PCDH11X: variants seen among roughly 807,000 people sequenced by gnomAD.
PCDH11X encodes protocadherin-11 X-linked.
Under a neutral mutation model 53.3 loss-of-function variants are expected in PCDH11X, and 18 were observed. That is an observed-to-expected ratio of 0.34 (90% CI 0.23 to 0.50). The LOEUF (loss-of-function observed/expected upper bound fraction) is 0.50, where lower values mean the gene tolerates loss of function less well. Among genes scored for constraint, PCDH11X ranks in the 20% least tolerant of loss-of-function variants. The pLI, the probability that PCDH11X is intolerant of heterozygous loss-of-function variation, is 0.98. For missense variants in PCDH11X, 570 were observed against 1,032.4 expected, an observed-to-expected ratio of 0.55 and a Z score of 6.14; for synonymous variants, 279 against 393.3, an observed-to-expected ratio of 0.71 and a Z score of 3.44.
chrX:91,850,352 G>C (rs1937936141), intron 5 of PCDH11X, among the ~76,000 whole-genome samples: 1 of 110,212 alleles, frequency 9.1e-6, no homozygotes, highest in African/African-American at 3.3e-5. Context: ...AGATTTTCTT[G>C]GTAGCCTTGC....
At chrX:92,208,266 C>T (rs1288132468) in intron 7 of PCDH11X, among the ~76,000 whole-genome samples, 2 of 104,154 alleles carry the variant, frequency 1.9e-5, no homozygotes, top group Admixed American at 1.1e-4. Flanking sequence ...TAGGCAGTCT[C>T]CTAAGCATTT....
intron 6 of PCDH11X, among the ~76,000 whole-genome samples, chrX:92,109,972 GA>G (rs1569361393): frequency 8.9e-6 from 1 of 112,244 alleles, no homozygotes; most frequent in Non-Finnish European, 1.9e-5. Context: ...TATAGTTATT[GA>G]ATAAAACACT....
rs188837710 is a variant in PCDH11X, at chrX:91,886,693, C to T, written c.3033+7420C>T. Among the ~76,000 whole-genome samples, 7 of 108,741 alleles carry T rather than the reference C, an allele frequency of 6.4e-5. No individual in the cohort carries two copies. The South Asian group carries it at 1.6e-3, about 25-fold the overall frequency. The allele number at this position is 108,741 out of a possible 115,157, so 94.4% of individuals were successfully genotyped here. On this transcript the variant is annotated intron_variant, in intron 6 of 10. Transcript: ENST00000682573. The stretch of plus-strand genomic sequence containing the variant: ...GAATAAAAATATGTATATACTTGGC[C>T]GGGCGCGGTGGCTCATGCCTGTATT...
intron 10 of PCDH11X, among the ~76,000 whole-genome samples, chrX:92,608,324 G>C (rs1927029788): frequency 9.8e-6 from 1 of 101,731 alleles, no homozygotes; most frequent in South Asian, 4.4e-4. Flanking sequence ...AGATTATATG[G>C]ACAGTTTCTT....
chrX:92,209,458 T>A (rs746537519), intron 7 of PCDH11X, among the ~76,000 whole-genome samples: 22 of 112,437 alleles, frequency 2.0e-4, no homozygotes, highest in Non-Finnish European at 3.9e-4. Flanking sequence ...ATTCTAAAGC[T>A]GCAAAATAAT....
chrX:92,270,112 CTT>C (rs760007148), intron 8 of PCDH11X, among the ~76,000 whole-genome samples: 11 of 95,597 alleles, frequency 1.2e-4, no homozygotes, highest in East Asian at 3.4e-4. Context: ...GCTTCCTTTT[CTT>C]TTTTTTTTTT....
chrX:91,870,657 C>A (rs1314589206), intron 5 of PCDH11X, among the ~76,000 whole-genome samples: 7 of 110,687 alleles, frequency 6.3e-5, no homozygotes. Flanking sequence ...TATCTTAAAC[C>A]TTGTATGTGG....
intron 10 of PCDH11X, among the ~76,000 whole-genome samples, chrX:92,588,273 G>A (rs1182193811): frequency 1.4e-4 from 13 of 94,414 alleles, no homozygotes; most frequent in Middle Eastern, 5.5e-3. Context: ...CATTCACATC[G>A]AAATCCTGAA....
At chrX:92,272,143 C>A (rs1388932119) in intron 8 of PCDH11X, among the ~76,000 whole-genome samples, 1 of 111,354 alleles carries the variant, frequency 9.0e-6, no homozygotes, top group Non-Finnish European at 1.9e-5. Context: ...TTATCAAGGG[C>A]ATTTATATTG....
At chrX:92,206,964 A>G (rs1261508151) in intron 7 of PCDH11X, among the ~76,000 whole-genome samples, 4 of 112,072 alleles carry the variant, frequency 3.6e-5, no homozygotes, top group Non-Finnish European at 7.5e-5. Flanking sequence ...TTCTTTGAGT[A>G]AAGAAAATCA....
intron 9 of PCDH11X, among the ~76,000 whole-genome samples, chrX:92,390,255 G>A (rs1022139092): frequency 3.6e-5 from 4 of 109,977 alleles, no homozygotes; most frequent in Non-Finnish European, 5.7e-5. Flanking sequence ...TTGGTTAGGA[G>A]TTTTGTTTTG....
intron 6 of PCDH11X, among the ~76,000 whole-genome samples, chrX:92,032,864 T>G (rs1441595940): frequency 9.1e-6 from 1 of 109,320 alleles, no homozygotes; most frequent in Non-Finnish European, 1.9e-5. Flanking sequence ...TTTTTTTTTT[T>G]TTGAGGCTAA....
chrX:92,251,763 T>C (rs999552671), intron 7 of PCDH11X, among the ~76,000 whole-genome samples: 2 of 111,088 alleles, frequency 1.8e-5, no homozygotes, highest in Non-Finnish European at 3.8e-5. Context: ...GTCACCATCA[T>C]TATTATCATC....
intron 7 of PCDH11X, among the ~76,000 whole-genome samples, chrX:92,254,661 G>T (rs2067528950): frequency 1.8e-5 from 2 of 108,203 alleles, no homozygotes; most frequent in Admixed American, 2.0e-4. Context: ...CTCAGCATTT[G>T]CTTGTCTGTA....
In PCDH11X at chrX:91,835,562, C is replaced by T; in HGVS notation, c.58C>T (p.His20Tyr). ...GGTCCTGCTAGCATGCGTGGTGTTC[C>T]ACTCTGGCGCCCAGGAGAAAAACTA... Reference protein sequence around the residue: ...FAVLLACVVFHSGAQEKNYTI... With the variant: ...FAVLLACVVFYSGAQEKNYTI... Residue 20 changes from histidine to tyrosine, a missense_variant, in exon 5 of 11, where the codon CAC (histidine) becomes TAC (tyrosine). By Grantham distance (83) the His-to-Tyr change is moderately conservative. Coordinates refer to ENST00000682573, the MANE Select transcript of PCDH11X (RefSeq NM_032968.5). The T allele has an allele frequency of 8.3e-7, 1 of 1,211,212 alleles. No individual in the cohort carries two copies. Among genetic ancestry groups the T allele is most frequent in the East Asian group, 3.0e-5 (1 of 33,831 alleles).
intron 6 of PCDH11X, among the ~76,000 whole-genome samples, chrX:92,163,881 C>G (rs1277199068): frequency 1.8e-5 from 2 of 111,266 alleles, no homozygotes; most frequent in African/African-American, 3.3e-5. Context: ...CTCTCTGCAC[C>G]AGGGACTAGT....
intron 10 of PCDH11X, among the ~76,000 whole-genome samples, chrX:92,541,877 C>A (rs979436872): frequency 9.1e-6 from 1 of 110,066 alleles, no homozygotes; most frequent in African/African-American, 3.3e-5. Context: ...TGAACCCAGG[C>A]GGCGGAGGTT....
At chrX:92,317,940 GTTA>G (rs1376631762) in intron 8 of PCDH11X, among the ~76,000 whole-genome samples, 2 of 111,260 alleles carry the variant, frequency 1.8e-5, no homozygotes, top group African/African-American at 6.5e-5. Flanking sequence ...GTTAGTTATT[GTTA>G]TTAGTAGTAC....
intron 6 of PCDH11X, among the ~76,000 whole-genome samples, chrX:92,101,871 C>T (rs1347029464): frequency 1.8e-5 from 2 of 110,730 alleles, no homozygotes; most frequent in African/African-American, 6.6e-5. Flanking sequence ...AAGTTATTTC[C>T]TTGAGGATAG....
Sources: allele counts gnomAD v4.1 joint callset (sites outside exome capture counted in the v4.1 genomes callset), GRCh38; gene constraint gnomAD v4.1.1; transcripts MANE v1.5; gene names NCBI Gene and HGNC (gene_info 2026-07-23, HGNC 2026-07-21).